The following RPL31 variants were observed in gnomAD, a reference collection of about 807,000 sequenced individuals.
RPL31 encodes ribosomal protein L31, also known as large ribosomal subunit protein eL31.
For synonymous variants in RPL31, 51 were observed against 55.0 expected (o/e 0.93, Z 0.32); for missense variants, 95 against 164.0 (o/e 0.58, Z 2.30).
At chr2:101,004,484 G>T (rs1678645129) in intron 3 of RPL31, 2 of 567,990 alleles carry the variant, frequency 3.5e-6, no homozygotes, top group Non-Finnish European at 6.1e-6. Context: ...TGAGACCCAA[G>T]GGAAGGAGCC....
chr2:101,003,112 T>C (rs975612589), intron 2 of RPL31, among the ~76,000 whole-genome samples: 1 of 152,244 alleles, frequency 6.6e-6, no homozygotes, highest in African/African-American at 2.4e-5. Context: ...TCCATCGGCC[T>C]TCTATCTTAG....
chr2:101,012,139 T>A (rs2105361410), downstream of RPL31, among the ~76,000 whole-genome samples: 1 of 152,334 alleles, frequency 6.6e-6, no homozygotes, highest in South Asian at 2.1e-4. Context: ...CTCAGCCACT[T>A]TAGTAAACAG....
At chr2:101,003,226 C>G (rs560697981) in intron 2 of RPL31, among the ~76,000 whole-genome samples, 2 of 152,296 alleles carry the variant, frequency 1.3e-5, no homozygotes, top group East Asian at 3.9e-4. Flanking sequence ...AATTTTTACC[C>G]TTTTTTTCCC....
intron 2 of RPL31, among the ~76,000 whole-genome samples, chr2:101,003,096 A>G (rs1206686506): frequency 6.6e-6 from 1 of 152,158 alleles, no homozygotes; most frequent in East Asian, 1.9e-4. Context: ...GTCTATTCTC[A>G]GATCCTCCAT....
intron 4 of RPL31, 85 bp from the exon 5 acceptor site, chr2:101,006,265 G>A (rs1179490514): frequency 7.0e-6 from 11 of 1,566,680 alleles, no homozygotes; most frequent in Non-Finnish European, 9.5e-6. Flanking sequence ...AAAATAGAAT[G>A]CCCAGACCCG....
downstream of RPL31, among the ~76,000 whole-genome samples, chr2:101,008,680 C>T (rs1434492114): frequency 6.6e-6 from 1 of 152,038 alleles, no homozygotes; most frequent in African/African-American, 2.4e-5. Flanking sequence ...GGCATGGTGA[C>T]CCATGCCTGC....
chr2:101,017,229 G>C (rs1267353069), intron 4 of RPL31, among the ~76,000 whole-genome samples: 1 of 152,000 alleles, frequency 6.6e-6, no homozygotes, highest in Non-Finnish European at 1.5e-5. Flanking sequence ...GTGCCTTCTG[G>C]AATAGCGCCT....
chr2:101,013,978 C>CAGCCAAGTCATT, intron 4 of RPL31, among the ~76,000 whole-genome samples: 1 of 152,204 alleles, frequency 6.6e-6, no homozygotes, highest in Non-Finnish European at 1.5e-5. Context: ...AATTCCAATA[C>CAGCCAAGTCATT]AGCCAAGTCA....
intron 4 of RPL31, chr2:101,017,932 A>G: frequency 1.9e-6 from 3 of 1,550,694 alleles, no homozygotes; most frequent in Non-Finnish European, 2.6e-6. Flanking sequence ...AGGAAAGCAA[A>G]TGGCATTTTC....
downstream of RPL31, chr2:101,008,128 C>T: frequency 1.9e-6 from 3 of 1,613,884 alleles, no homozygotes; most frequent in Non-Finnish European, 2.5e-6. Flanking sequence ...CTGGGAGCAG[C>T]TTCCAGAGCT....
downstream of RPL31, among the ~76,000 whole-genome samples, chr2:101,007,442 A>T (rs183441553): frequency 1.3e-5 from 2 of 152,148 alleles, no homozygotes; most frequent in African/African-American, 4.8e-5. Context: ...TTGATTCCTG[A>T]CCTCTCCCAT....
intron 4 of RPL31, among the ~76,000 whole-genome samples, chr2:101,012,983 T>A (rs1334995672): frequency 6.6e-6 from 1 of 152,216 alleles, no homozygotes; most frequent in Non-Finnish European, 1.5e-5. Context: ...GCAGTCAGGA[T>A]GGAAATGGAT....
chr2:101,011,768 A>G (rs995772463), downstream of RPL31, among the ~76,000 whole-genome samples: 4 of 152,338 alleles, frequency 2.6e-5, no homozygotes, highest in African/African-American at 9.6e-5. Context: ...GTATGTGGAG[A>G]CTGTTGTAAT....
At chr2:101,008,580 C>T (rs529864501), downstream of RPL31, among the ~76,000 whole-genome samples, 13 of 152,106 alleles carry the variant, frequency 8.5e-5, no homozygotes, top group Admixed American at 7.2e-4. Flanking sequence ...TGTGGGAGGC[C>T]GAGGCAGGCG....
chr2:101,008,581 G>A (rs113218570), downstream of RPL31, among the ~76,000 whole-genome samples: 74 of 151,820 alleles, frequency 4.9e-4, 1 homozygote, highest in African/African-American at 1.7e-3. Context: ...GTGGGAGGCC[G>A]AGGCAGGCGG....
At position 101,007,072 on chromosome 2, in the gene RPL31, C is replaced by T. The variant is rs1188572828; in HGVS notation, c.*691C>T. 1 of 152,200 alleles carries T rather than the reference C, an allele frequency of 6.6e-6. No homozygotes were observed. Among genetic ancestry groups the T allele is most frequent in the African/African-American group, 2.4e-5 (1 of 41,424 alleles). 9.4% of individuals were successfully genotyped at this position (152,200 alleles called of 1,614,324 possible). A position where few individuals can be genotyped will look rare whatever the true frequency, so the allele number is the denominator to read the frequency against. On this transcript the variant is annotated 3_prime_UTR_variant, in exon 5 of 5. Transcript: ENST00000264258. ...GCTGCCATAAAGAGGTCTCTGAAGC[C>T]GTAGGGCACACCCAAGGCAGGGCTG...
chr2:101,016,697 G>A (rs1286688108), intron 4 of RPL31, among the ~76,000 whole-genome samples: 2 of 152,154 alleles, frequency 1.3e-5, no homozygotes, highest in Non-Finnish European at 2.9e-5. Flanking sequence ...AGGATAGACT[G>A]GATTAAGAAA....
At chr2:101,012,943 G>A (rs1350454890) in intron 4 of RPL31, among the ~76,000 whole-genome samples, 1 of 152,220 alleles carries the variant, frequency 6.6e-6, no homozygotes, top group African/African-American at 2.4e-5. Context: ...TGAACAGGAG[G>A]AAAATTGCAA....
At chr2:101,015,091 A>G (rs13402785) in intron 4 of RPL31, among the ~76,000 whole-genome samples, 8,032 of 152,260 alleles carry the variant, frequency 0.053, 715 homozygotes, top group African/African-American at 0.18. Context: ...GTAGCCTACT[A>G]CACACCTCGC....
Sources: gnomAD v4.1 joint callset for allele counts (sites outside exome capture counted in the v4.1 genomes callset) on GRCh38, gnomAD v4.1.1 for gene constraint, MANE v1.5 for transcripts, NCBI Gene and HGNC (gene_info 2026-07-23, HGNC 2026-07-21) for gene names.